Variants in DOCK4 observed in about 807,000 individuals in gnomAD.
DOCK4 encodes the protein dedicator of cytokinesis protein 4.
DOCK4 carries 97 observed loss-of-function variants against 268.1 expected under a neutral mutation model. That is an observed-to-expected ratio of 0.36 (90% CI 0.31 to 0.43). The LOEUF (loss-of-function observed/expected upper bound fraction) is 0.43, where lower values mean the gene tolerates loss of function less well. Ranked by LOEUF, DOCK4 falls within the 20% of genes least tolerant of loss-of-function variation. The pLI, the probability that DOCK4 is intolerant of heterozygous loss-of-function variation, is 1.00. For synonymous variants in DOCK4, 954 were observed against 887.2 expected (o/e 1.08, Z -1.34); for missense variants, 2,145 against 2,455.7 (o/e 0.87, Z 2.67).
intron 1 of DOCK4, among the ~76,000 whole-genome samples, chr7:112,147,172 T>C (rs1815590226): frequency 6.6e-6 from 1 of 152,328 alleles, no homozygotes; most frequent in South Asian, 2.1e-4. Flanking sequence ...TTACCTTCAA[T>C]CTGAATTCAG....
At chr7:112,041,366 T>C (rs1804340037) in intron 1 of DOCK4, among the ~76,000 whole-genome samples, 2 of 152,192 alleles carry the variant, frequency 1.3e-5, no homozygotes. Context: ...AACGTTTTAA[T>C]CAAATCACAA....
intron 17 of DOCK4, among the ~76,000 whole-genome samples, chr7:111,873,765 T>A (rs916482436): frequency 6.6e-6 from 1 of 151,990 alleles, no homozygotes; most frequent in African/African-American, 2.4e-5. Context: ...GAGAAAAACC[T>A]CACAAAGGAT....
chr7:111,788,425 A>C (rs1180935023), intron 32 of DOCK4: 1 of 498,116 alleles, frequency 2.0e-6, no homozygotes, highest in African/African-American at 1.9e-5. Context: ...GTTATGTAAC[A>C]TATGCAACCT....
intron 10 of DOCK4, 139 bp from the exon 11 acceptor site, chr7:111,940,381 G>T: frequency 8.9e-7 from 1 of 1,120,248 alleles, no homozygotes; most frequent in Non-Finnish European, 1.3e-6. Context: ...CGTAACAGAA[G>T]ATATTGCTTC....
At chr7:111,837,941 C>T (rs1355019107) in intron 25 of DOCK4, among the ~76,000 whole-genome samples, 1 of 151,768 alleles carries the variant, frequency 6.6e-6, no homozygotes, top group African/African-American at 2.4e-5. Flanking sequence ...ACAAAATTAG[C>T]CGGGTGTAGT....
chr7:111,858,444 T>C (rs1805200399), intron 23 of DOCK4, among the ~76,000 whole-genome samples: 1 of 152,192 alleles, frequency 6.6e-6, no homozygotes, highest in Admixed American at 6.6e-5. Context: ...CTGGAATTGC[T>C]AGACAGAGTT....
At chr7:111,795,134 C>T (rs1799802402) in intron 30 of DOCK4, among the ~76,000 whole-genome samples, 1 of 152,202 alleles carries the variant, frequency 6.6e-6, no homozygotes, top group South Asian at 2.1e-4. Flanking sequence ...CACTCTACTG[C>T]CCCAGCCTCA....
chr7:111,976,974 A>G, intron 8 of DOCK4, 158 bp downstream of exon 8: 3 of 787,118 alleles, frequency 3.8e-6, no homozygotes, highest in Admixed American at 3.2e-5. Flanking sequence ...AGAAACATCC[A>G]AAGAACAGGC....
At chr7:111,898,360 T>C (rs765347913) in intron 15 of DOCK4, among the ~76,000 whole-genome samples, 2 of 152,230 alleles carry the variant, frequency 1.3e-5, no homozygotes, top group Admixed American at 6.5e-5. Context: ...CATGTCCTTA[T>C]AAGCGAAGTC....
chr7:112,109,890 G>A (rs1290412038), intron 1 of DOCK4, among the ~76,000 whole-genome samples: 4 of 150,338 alleles, frequency 2.7e-5, no homozygotes, highest in Non-Finnish European at 5.9e-5. Flanking sequence ...GACTACAGGC[G>A]CCCGCCATCA....
At chr7:111,897,439 C>T (rs188649765) in intron 15 of DOCK4, among the ~76,000 whole-genome samples, 11 of 152,080 alleles carry the variant, frequency 7.2e-5, no homozygotes, top group African/African-American at 1.9e-4. Context: ...ACCCATCCTT[C>T]GACTCCCCTT....
At chr7:112,134,835 T>C (rs945253869) in intron 1 of DOCK4, among the ~76,000 whole-genome samples, 1 of 152,218 alleles carries the variant, frequency 6.6e-6, no homozygotes. Context: ...CAATGCATTA[T>C]CCTATTTAAT....
intron 45 of DOCK4, 86 bp downstream of exon 45, chr7:111,741,927 T>C: frequency 6.8e-7 from 1 of 1,476,832 alleles, no homozygotes; most frequent in Non-Finnish European, 9.0e-7. Context: ...AACCACAAGA[T>C]GTCACTATTG....
rs182052588 is a variant in DOCK4, at chr7:112,015,062, G to A, written c.38-10931C>T. On this transcript the variant is annotated intron_variant, in intron 1 of 52. Transcript: ENST00000428084. ...GGAGGTTGGGCATTCTTAGTCATAG[G>A]ATGAATTAGGATGTTGGCAGGGCTA... Among the ~76,000 whole-genome samples the A allele has an allele frequency of 7.2e-5, 11 of 152,300 alleles. No homozygotes were observed. The East Asian group carries it at 2.1e-3, about 29-fold the overall frequency.
chr7:111,826,344 C>A (rs984769632), intron 26 of DOCK4, among the ~76,000 whole-genome samples: 4 of 152,116 alleles, frequency 2.6e-5, no homozygotes, highest in African/African-American at 9.7e-5. Flanking sequence ...AGTAAGGAGT[C>A]TGGACATTTA....
intron 8 of DOCK4, among the ~76,000 whole-genome samples, chr7:111,959,261 G>A (rs1586497518): frequency 6.6e-6 from 1 of 152,074 alleles, no homozygotes; most frequent in African/African-American, 2.4e-5. Context: ...TCTGAATGCC[G>A]TCTCCATCTA....
chr7:111,989,291 C>A, intron 5 of DOCK4, 128 bp from the exon 6 acceptor site: 1 of 1,228,340 alleles, frequency 8.1e-7, no homozygotes, highest in South Asian at 1.4e-5. Flanking sequence ...GACAGATGTC[C>A]GTGAACAGAC....
At chr7:111,802,071 T>C (rs528750609) in intron 30 of DOCK4, among the ~76,000 whole-genome samples, 1 of 152,242 alleles carries the variant, frequency 6.6e-6, no homozygotes, top group Admixed American at 6.5e-5. Flanking sequence ...ATTTTCCTCA[T>C]TCTATCAACA....
At chr7:111,935,278 T>C in intron 12 of DOCK4, 3 of 461,746 alleles carry the variant, frequency 6.5e-6, no homozygotes, top group Non-Finnish European at 1.2e-5. Flanking sequence ...AACTTAGGAG[T>C]ATGAAGACTT....
Sources: gnomAD v4.1 joint callset for allele counts (sites outside exome capture counted in the v4.1 genomes callset) on GRCh38, gnomAD v4.1.1 for gene constraint, MANE v1.5 for transcripts, NCBI Gene and HGNC (gene_info 2026-07-23, HGNC 2026-07-21) for gene names.